PODXL: variants seen among roughly 807,000 people sequenced by gnomAD.
The protein encoded by PODXL is podocalyxin.
In PODXL, 20 loss-of-function variants were observed where a neutral mutation model predicts 48.9. The ratio of observed to expected loss-of-function variants is 0.41; its 90% CI spans 0.29 to 0.59. The LOEUF (loss-of-function observed/expected upper bound fraction) is 0.59. Ranked by LOEUF, PODXL falls within the 20% of genes least tolerant of loss-of-function variation. PODXL has a pLI of 0.31. For missense variants in PODXL, 606 were observed against 675.1 expected (o/e 0.90, Z 1.13); for synonymous variants, 295 against 287.4 (o/e 1.03, Z -0.27).
chr7:131,552,345 T>C (rs1465446403), intron 1 of PODXL, among the ~76,000 whole-genome samples: 1 of 152,218 alleles, frequency 6.6e-6, no homozygotes, highest in Admixed American at 6.5e-5. Context: ...TCAGAGATGA[T>C]GCCTGAGGGT....
intron 2 of PODXL, 133 bp downstream of exon 2, chr7:131,510,695 C>G (rs1562904342): frequency 9.9e-7 from 1 of 1,005,958 alleles, no homozygotes; most frequent in East Asian, 2.6e-5. Context: ...TGGTCTCGAA[C>G]TCCTGACCTC....
At chr7:131,529,190 A>G (rs1798234032) in intron 1 of PODXL, among the ~76,000 whole-genome samples, 1 of 152,140 alleles carries the variant, frequency 6.6e-6, no homozygotes. Flanking sequence ...GGATGGAGTG[A>G]AAGTCTTTGG....
At chr7:131,550,923 A>AG (rs1303274009) in intron 1 of PODXL, among the ~76,000 whole-genome samples, 2 of 152,090 alleles carry the variant, frequency 1.3e-5, no homozygotes, top group African/African-American at 4.8e-5. Context: ...AGGTTGTAGT[A>AG]GATGATTTCC....
chr7:131,521,146 C>T (rs1210199406), intron 1 of PODXL, among the ~76,000 whole-genome samples: 2 of 125,870 alleles, frequency 1.6e-5, no homozygotes, highest in African/African-American at 5.7e-5. Flanking sequence ...CCAGCCTGGG[C>T]GACTCCATCT....
intron 1 of PODXL, chr7:131,520,133 G>T: frequency 4.3e-6 from 1 of 232,690 alleles, no homozygotes. Flanking sequence ...CTTGGGTGCG[G>T]TAAAATGGCT....
At chr7:131,508,847 G>C (rs759863125) in intron 5 of PODXL, 104 bp downstream of exon 5, 86 of 876,204 alleles carry the variant, frequency 9.8e-5, no homozygotes, top group Non-Finnish European at 1.7e-4. Context: ...ATGCACCTTA[G>C]AAAGATGTTT....
At chr7:131,538,314 A>G (rs868499571) in intron 1 of PODXL, among the ~76,000 whole-genome samples, 1 of 152,164 alleles carries the variant, frequency 6.6e-6, no homozygotes, top group Non-Finnish European at 1.5e-5. Flanking sequence ...AAGGAGTGGC[A>G]GGGGCAGAAG....
In PODXL at chr7:131,501,472, G is replaced by A. The variant is rs146948563; in HGVS notation, c.*2839C>T. On this transcript the variant is annotated 3_prime_UTR_variant, in exon 9 of 9. Transcript: ENST00000378555. Reference sequence around the variant, plus strand: ...TTTCTGCTAGCTTTCCTTATCAAGCGGGAAAAAAATCTGGTGCCTAGACTA... The same window carrying A: ...TTTCTGCTAGCTTTCCTTATCAAGCAGGAAAAAAATCTGGTGCCTAGACTA... 8.5e-5 allele frequency: 13 copies of A among 152,618 alleles called. No homozygotes were observed. The highest frequency in any genetic ancestry group is 1.3e-4 in the Admixed American group (2 of 15,294). 9.5% of individuals were successfully genotyped at this position (152,618 alleles called of 1,614,324 possible). A position where few individuals can be genotyped will look rare whatever the true frequency, so the allele number is the denominator to read the frequency against.
chr7:131,536,851 G>A (rs865924201), intron 1 of PODXL, among the ~76,000 whole-genome samples: 1 of 152,186 alleles, frequency 6.6e-6, no homozygotes, highest in Non-Finnish European at 1.5e-5. Flanking sequence ...GTGGCCAGGT[G>A]CAGTGGCTTA....
chr7:131,507,507 A>G (rs1014501371), intron 5 of PODXL, among the ~76,000 whole-genome samples: 6 of 152,242 alleles, frequency 3.9e-5, no homozygotes, highest in Admixed American at 3.9e-4. Flanking sequence ...TGATTCTGGA[A>G]TAAATGACTA....
intron 1 of PODXL, among the ~76,000 whole-genome samples, chr7:131,517,840 G>A (rs1293155397): frequency 6.6e-6 from 1 of 151,968 alleles, no homozygotes; most frequent in Non-Finnish European, 1.5e-5. Flanking sequence ...GTGGGTTCAA[G>A]CAATTCTCCT....
chr7:131,544,590 G>C (rs1451306898), intron 1 of PODXL, among the ~76,000 whole-genome samples: 3 of 151,992 alleles, frequency 2.0e-5, no homozygotes, highest in African/African-American at 4.8e-5. Context: ...GGGAGGCGTG[G>C]GCAGGAGTTA....
chr7:131,551,232 G>T (rs1344012604), intron 1 of PODXL, among the ~76,000 whole-genome samples: 1 of 152,130 alleles, frequency 6.6e-6, no homozygotes, highest in African/African-American at 2.4e-5. Flanking sequence ...GCCCCATAGA[G>T]CAGACAGGAT....
At chr7:131,541,975 G>C (rs562973445) in intron 1 of PODXL, among the ~76,000 whole-genome samples, 31 of 152,328 alleles carry the variant, frequency 2.0e-4, no homozygotes, top group Non-Finnish European at 3.8e-4. Flanking sequence ...ACATCAGAGA[G>C]GGGGGACAGA....
Position 131,556,252 on chromosome 7 carries a change from C to T in PODXL, c.100+8G>A. 1.4e-6 allele frequency: 2 copies of T among 1,475,670 alleles called. No homozygotes were observed. Among genetic ancestry groups the T allele is most frequent in the South Asian group, 1.3e-5 (1 of 76,272 alleles). 91.4% of individuals were successfully genotyped at this position (1,475,670 alleles called of 1,614,324 possible). Reference sequence around the variant, plus strand: ...GGAGTCCCGGCGGAACCCAGGCCGGCCACTCACCATTCTGGGAGGGCGACG... The same window carrying T: ...GGAGTCCCGGCGGAACCCAGGCCGGTCACTCACCATTCTGGGAGGGCGACG... On this transcript the variant is annotated splice_region_variant and intron_variant, in intron 1 of 8. Transcript: ENST00000378555.
At chr7:131,538,391 C>T (rs1438699918) in intron 1 of PODXL, among the ~76,000 whole-genome samples, 8 of 152,150 alleles carry the variant, frequency 5.3e-5, no homozygotes, top group Non-Finnish European at 1.2e-4. Context: ...GGCTCAGTTT[C>T]CTCATAATGC....
rs142765488 is a variant in PODXL at position 131,535,358 on chromosome 7, C to CCA, written c.100+20900_100+20901dup. On this transcript the variant is annotated intron_variant, in intron 1 of 8. Transcript: ENST00000378555. ...TAAGCTGTACGGTAAGTCAATTGGA[C>CCA]CACACACACACACAAGTGAAGAAAG... Among the ~76,000 whole-genome samples the CCA allele has an allele frequency of 1.5e-3, 234 of 151,900 alleles. 1 individual carries two copies. The highest frequency in any genetic ancestry group is 5.1e-3 in the African/African-American group (213 of 41,456).
In PODXL at chr7:131,506,043, G is replaced by A. The variant is rs1357172716; in HGVS notation, c.1312-8C>T. 2 of 1,608,550 alleles carry A rather than the reference G, an allele frequency of 1.2e-6. No homozygotes were observed. The highest frequency in any genetic ancestry group is 2.2e-5 in the East Asian group (1 of 44,798). On this transcript the variant is annotated splice_polypyrimidine_tract_variant and splice_region_variant and intron_variant, in intron 7 of 8. Coordinates refer to ENST00000378555, the MANE Select transcript of PODXL (RefSeq NM_001018111.3). The stretch of plus-strand genomic sequence containing the variant: ...CATGTCACTGACCCCTGCCTGCATG[G>A]GAAGTGGCAGAGAACAGGCTGGGGG...
intron 1 of PODXL, among the ~76,000 whole-genome samples, chr7:131,545,127 A>G (rs983090682): frequency 6.6e-6 from 1 of 152,212 alleles, no homozygotes; most frequent in African/African-American, 2.4e-5. Context: ...GTCTGCCCCC[A>G]TCTGGGCAGA....
Sources: gnomAD v4.1 joint callset for allele counts (sites outside exome capture counted in the v4.1 genomes callset) on GRCh38, gnomAD v4.1.1 for gene constraint, MANE v1.5 for transcripts, NCBI Gene and HGNC (gene_info 2026-07-23, HGNC 2026-07-21) for gene names.